Variants in INPP5D observed in about 807,000 individuals in gnomAD.
The protein encoded by INPP5D is inositol polyphosphate-5-phosphatase D.
INPP5D carries 33 observed loss-of-function variants against 122.9 expected under a neutral mutation model. The ratio of observed to expected loss-of-function variants is 0.27; its 90% CI spans 0.20 to 0.36. The LOEUF is 0.36. Among genes scored for constraint, INPP5D ranks in the 10% least tolerant of loss-of-function variants. The probability of loss-of-function intolerance (pLI) is 1.00; values close to 1 mark genes in which losing one functional copy is unlikely to be tolerated. For missense variants in INPP5D, 1,053 were observed against 1,412.7 expected (o/e 0.75, Z 4.08); for synonymous variants, 584 against 576.2 (o/e 1.01, Z -0.19).
At chr2:233,061,114 C>T (rs1387556901) in intron 1 of INPP5D, among the ~76,000 whole-genome samples, 3 of 152,136 alleles carry the variant, frequency 2.0e-5, no homozygotes, top group Admixed American at 2.0e-4. Flanking sequence ...AAGGACTTTC[C>T]ATTCAGTCAG....
chr2:233,070,442 GTT>G (rs56101050), intron 1 of INPP5D, among the ~76,000 whole-genome samples: 33,329 of 141,496 alleles, frequency 0.24, 5,780 homozygotes, highest in African/African-American at 0.48. Flanking sequence ...GATTCAGCAG[GTT>G]TTTTTTTTTT....
chr2:233,092,249 C>T (rs536406867), intron 2 of INPP5D, among the ~76,000 whole-genome samples: 1 of 152,354 alleles, frequency 6.6e-6, no homozygotes, highest in South Asian at 2.1e-4. Context: ...TCTCTCCAGG[C>T]TGCTCCCAGG....
chr2:233,168,881 T>C (rs1694415507), intron 13 of INPP5D: 2 of 191,752 alleles, frequency 1.0e-5, no homozygotes, highest in Admixed American at 5.5e-5. Flanking sequence ...TGACCTAGAA[T>C]AGATCAGAAC....
At chr2:233,131,435 G>T (rs1414102815) in intron 5 of INPP5D, among the ~76,000 whole-genome samples, 2 of 151,862 alleles carry the variant, frequency 1.3e-5, no homozygotes, top group African/African-American at 4.8e-5. Context: ...GGTGGCTCAC[G>T]CCTGTAATAC....
At chr2:233,147,987 A>G (rs970466459) in intron 9 of INPP5D, among the ~76,000 whole-genome samples, 5 of 152,232 alleles carry the variant, frequency 3.3e-5, no homozygotes, top group African/African-American at 1.2e-4. Context: ...CCTCATCTGT[A>G]AAATGGGGAT....
chr2:233,118,965 C>T (rs748049675), intron 2 of INPP5D, among the ~76,000 whole-genome samples: 29 of 152,136 alleles, frequency 1.9e-4, no homozygotes, highest in Non-Finnish European at 2.8e-4. Context: ...GTGGCCTCAC[C>T]GGGTCCACAG....
chr2:233,162,256 G>A (rs1028933276), intron 11 of INPP5D, among the ~76,000 whole-genome samples: 3 of 150,058 alleles, frequency 2.0e-5, no homozygotes, highest in Admixed American at 6.7e-5. Context: ...AGAGAGATAG[G>A]TACGTAGACA....
At chr2:233,117,049 C>A (rs1378400583) in intron 2 of INPP5D, among the ~76,000 whole-genome samples, 2 of 152,222 alleles carry the variant, frequency 1.3e-5, no homozygotes, top group African/African-American at 4.8e-5. Context: ...CGGCAGAAAT[C>A]CACGTGTCCG....
At chr2:233,161,667 G>C in intron 10 of INPP5D, 57 bp from the exon 11 acceptor site, 2 of 1,531,798 alleles carry the variant, frequency 1.3e-6, no homozygotes, top group South Asian at 2.5e-5. Context: ...CCTTTGCAAA[G>C]TGTAATGTGC....
At chr2:233,108,474 T>A (rs1692523828) in intron 2 of INPP5D, among the ~76,000 whole-genome samples, 1 of 152,262 alleles carries the variant, frequency 6.6e-6, no homozygotes, top group Non-Finnish European at 1.5e-5. Flanking sequence ...TGTGGGCGCA[T>A]CTGGCCCACT....
intron 2 of INPP5D, among the ~76,000 whole-genome samples, chr2:233,111,890 G>A (rs1692639621): frequency 1.3e-5 from 2 of 151,734 alleles, no homozygotes; most frequent in South Asian, 2.1e-4. Flanking sequence ...GCAAAATTCC[G>A]CCTCTACAAA....
intron 21 of INPP5D, among the ~76,000 whole-genome samples, chr2:233,187,418 C>A (rs1425431885): frequency 6.6e-6 from 1 of 152,118 alleles, no homozygotes; most frequent in Non-Finnish European, 1.5e-5. Context: ...TAGGAGATTC[C>A]CTCAGAGGTG....
At chr2:233,190,047 T>C (rs1695013797) in intron 22 of INPP5D, 110 bp downstream of exon 22, 2 of 1,487,176 alleles carry the variant, frequency 1.3e-6, no homozygotes, top group South Asian at 1.3e-5. Flanking sequence ...CTCCTGCCTC[T>C]CCTTTCCTCA....
rs1302620824 is a variant in INPP5D, at chr2:233,065,563, T to TTTTCTTTC, written c.134+4960_134+4967dup. Among the ~76,000 whole-genome samples, 8 of 137,340 alleles carry TTTTCTTTC rather than the reference T, an allele frequency of 5.8e-5. 2 individuals carry two copies. Among genetic ancestry groups the TTTTCTTTC allele is most frequent in the African/African-American group, 2.1e-4 (8 of 37,396 alleles). 90.1% of individuals were successfully genotyped at this position (137,340 alleles called of 152,430 possible). On this transcript the variant is annotated intron_variant, in intron 1 of 26. Coordinates refer to ENST00000445964, the MANE Select transcript of INPP5D (RefSeq NM_001017915.3). The stretch of plus-strand genomic sequence containing the variant: ...AGGCATGAACCACTGCACCCAGCCT[T>TTTTCTTTC]TTTCTTTCTTTCTTTCCTTCTTTCT...
chr2:233,193,060 G>A (rs1295090692), intron 22 of INPP5D, among the ~76,000 whole-genome samples: 1 of 152,180 alleles, frequency 6.6e-6, no homozygotes, highest in Non-Finnish European at 1.5e-5. Context: ...GCTAATTTTT[G>A]TAATTTTTCG....
At chr2:233,147,084 T>A (rs1330967751) in intron 8 of INPP5D, among the ~76,000 whole-genome samples, 2 of 152,218 alleles carry the variant, frequency 1.3e-5, no homozygotes, top group Non-Finnish European at 2.9e-5. Flanking sequence ...AAATGTTCAA[T>A]CAGTGGTTGT....
chr2:233,145,679 A>T (rs896081071), intron 6 of INPP5D, among the ~76,000 whole-genome samples: 5 of 150,532 alleles, frequency 3.3e-5, no homozygotes, highest in African/African-American at 9.7e-5. Flanking sequence ...AGTGGCTCAG[A>T]TCTTGGTGGG....
chr2:233,104,506 G>A (rs546371893), intron 2 of INPP5D, among the ~76,000 whole-genome samples: 48 of 152,260 alleles, frequency 3.2e-4, no homozygotes, highest in African/African-American at 1.2e-3. Flanking sequence ...CAGGATTTGG[G>A]ACTGATCAGG....
chr2:233,162,963 C>T (rs1694233733), intron 11 of INPP5D, among the ~76,000 whole-genome samples: 1 of 152,184 alleles, frequency 6.6e-6, no homozygotes, highest in African/African-American at 2.4e-5. Context: ...ATGGAAGGAG[C>T]CAGCTGAGGC....
Sources: allele counts gnomAD v4.1 joint callset (sites outside exome capture counted in the v4.1 genomes callset), GRCh38; gene constraint gnomAD v4.1.1; transcripts MANE v1.5; gene names NCBI Gene and HGNC (gene_info 2026-07-23, HGNC 2026-07-21).